SYNE1: variants seen among roughly 807,000 people sequenced by gnomAD.
The protein encoded by SYNE1 is nesprin-1.
SYNE1 carries 616 observed loss-of-function variants against 1,111.0 expected under a neutral mutation model. That is an observed-to-expected ratio of 0.55 (90% CI 0.52 to 0.59). The LOEUF is 0.59. SYNE1 is among the 20% of genes least tolerant of loss of function. The pLI, the probability that SYNE1 is intolerant of heterozygous loss-of-function variation, is 0.00. For synonymous variants in SYNE1, 3,855 were observed against 3,825.8 expected (o/e 1.01, Z -0.28); for missense variants, 10,006 against 10,417.0 (o/e 0.96, Z 1.72).
At chr6:152,337,134 C>T (rs185747921) in intron 75 of SYNE1, 117 bp from the exon 76 acceptor site, 60 of 913,600 alleles carry the variant, frequency 6.6e-5, no homozygotes, top group East Asian at 3.2e-4. Context: ...CACATACACA[C>T]GCAAACTCAC....
intron 3 of SYNE1, among the ~76,000 whole-genome samples, chr6:152,557,399 TAAA>T (rs1335871129): frequency 6.6e-6 from 1 of 151,764 alleles, no homozygotes; most frequent in East Asian, 1.9e-4. Flanking sequence ...AAAGCTTGTT[TAAA>T]AAAAATAATG....
chr6:152,591,845 TA>T (rs147449017), intron 3 of SYNE1, among the ~76,000 whole-genome samples: 5,761 of 151,882 alleles, frequency 0.038, 370 homozygotes, highest in African/African-American at 0.13. Context: ...AAAACCCCAT[TA>T]AAAAATGGGC....
intron 3 of SYNE1, among the ~76,000 whole-genome samples, chr6:152,590,811 TA>T (rs1214210198): frequency 6.6e-6 from 1 of 152,178 alleles, no homozygotes; most frequent in Non-Finnish European, 1.5e-5. Context: ...ACTAATTCAT[TA>T]AAAATATCAA....
At chr6:152,591,890 T>C (rs150071570) in intron 3 of SYNE1, among the ~76,000 whole-genome samples, 3 of 152,254 alleles carry the variant, frequency 2.0e-5, no homozygotes, top group East Asian at 1.9e-4. Flanking sequence ...CTAAAGAAGA[T>C]GCACATGTAG....
At chr6:152,354,014 C>G (rs1168157307) in intron 67 of SYNE1, among the ~76,000 whole-genome samples, 1 of 152,180 alleles carries the variant, frequency 6.6e-6, no homozygotes, top group East Asian at 1.9e-4. Flanking sequence ...GTGGCTCACG[C>G]CTGTAGTCCC....
At chr6:152,609,957 A>T (rs1226698741) in intron 3 of SYNE1, among the ~76,000 whole-genome samples, 2 of 152,240 alleles carry the variant, frequency 1.3e-5, no homozygotes, top group African/African-American at 4.8e-5. Context: ...CAGCATTAAC[A>T]AAAAGGACAT....
At chr6:152,207,058 G>A (rs962595636) in intron 125 of SYNE1, among the ~76,000 whole-genome samples, 1 of 152,204 alleles carries the variant, frequency 6.6e-6, no homozygotes, top group Admixed American at 6.5e-5. Flanking sequence ...AGATTAGGAA[G>A]CTATTGTCTA....
intron 40 of SYNE1, among the ~76,000 whole-genome samples, chr6:152,417,280 C>T (rs111511473): frequency 2.0e-5 from 3 of 152,294 alleles, no homozygotes; most frequent in African/African-American, 4.8e-5. Context: ...GGGCAGATCA[C>T]GAGGTCAGGA....
intron 10 of SYNE1, among the ~76,000 whole-genome samples, chr6:152,499,141 A>G (rs2099015002): frequency 6.6e-6 from 1 of 152,158 alleles, no homozygotes. Flanking sequence ...AAATATACAC[A>G]GCACACATGT....
intron 3 of SYNE1, among the ~76,000 whole-genome samples, chr6:152,550,005 T>C (rs1298018518): frequency 2.0e-5 from 3 of 152,188 alleles, no homozygotes; most frequent in Non-Finnish European, 4.4e-5. Flanking sequence ...TATTGACATT[T>C]AGGCAAGATG....
chr6:152,266,759 C>T (rs1233509063), intron 100 of SYNE1, among the ~76,000 whole-genome samples: 1 of 152,078 alleles, frequency 6.6e-6, no homozygotes. Flanking sequence ...AATATATCTG[C>T]TGCAATTGCA....
rs1236796696 is a variant in SYNE1 at position 152,207,963 on chromosome 6, G to A, written c.22824+9C>T. On this transcript the variant is annotated intron_variant, in intron 125 of 145. Coordinates refer to ENST00000367255, the MANE Select transcript of SYNE1 (RefSeq NM_182961.4). The stretch of plus-strand genomic sequence containing the variant: ...AAGAGGTGTGAGAACACTGTGTTTT[G>A]CATCTTACCTGCACTTCATCAAAGA... 2.5e-6 allele frequency: 4 copies of A among 1,613,850 alleles called. No homozygotes were observed. The Admixed American group carries it at 5.0e-5, about 20-fold the overall frequency.
At position 152,151,548 on chromosome 6, in the gene SYNE1, A is replaced by T; in HGVS notation, c.24450+5T>A. The T allele has an allele frequency of 6.2e-7, 1 of 1,613,868 alleles. No individual in the cohort carries two copies. Among genetic ancestry groups the T allele is most frequent in the Non-Finnish European group, 8.5e-7 (1 of 1,179,970 alleles). The stretch of plus-strand genomic sequence containing the variant: ...ACTTTGGTAACTTGAAAAATAATCT[A>T]TTACCTTGAGTTGCTTTATTTTAGC... On this transcript the variant is annotated splice_donor_5th_base_variant and intron_variant, in intron 135 of 145. Transcript: ENST00000367255.
At chr6:152,427,465 CA>C in intron 38 of SYNE1, 1 of 607,466 alleles carries the variant, frequency 1.6e-6, no homozygotes, top group South Asian at 2.2e-5. Flanking sequence ...GATTTTCTAA[CA>C]CATCATGGAA....
chr6:152,404,778 T>G (rs2097870129), intron 45 of SYNE1: 1 of 155,374 alleles, frequency 6.4e-6, no homozygotes, highest in South Asian at 2.0e-4. Context: ...AATAAAAATT[T>G]AAAGGATATT....
At chr6:152,364,368 T>C (rs2097012160) in intron 63 of SYNE1, among the ~76,000 whole-genome samples, 1 of 152,158 alleles carries the variant, frequency 6.6e-6, no homozygotes, top group Admixed American at 6.5e-5. Context: ...CTGCCATTTC[T>C]TTCCCACTCC....
At position 152,276,148 on chromosome 6, in the gene SYNE1, C is replaced by T. The variant is rs137866218; in HGVS notation, c.18573+1941G>A. ...CTCCCAGGTTCAAGCAGTTCTCATGCCTCAGCCTCCCAAGCAGCTGGGATT... is the reference window on the plus strand; with the variant it reads ...CTCCCAGGTTCAAGCAGTTCTCATGTCTCAGCCTCCCAAGCAGCTGGGATT... On this transcript the variant is annotated intron_variant, in intron 98 of 145. Coordinates refer to ENST00000367255, the MANE Select transcript of SYNE1 (RefSeq NM_182961.4). 4.5e-3 allele frequency among the ~76,000 whole-genome samples: 677 copies of T among 150,956 alleles called. 9 individuals are homozygous for T. Among genetic ancestry groups the T allele is most frequent in the African/African-American group, 0.016 (646 of 41,150 alleles).
chr6:152,165,148 T>C (rs1333044616), intron 130 of SYNE1, among the ~76,000 whole-genome samples: 1 of 150,396 alleles, frequency 6.6e-6, no homozygotes, highest in Non-Finnish European at 1.5e-5. Context: ...ACACAGTCAG[T>C]GGAGGGTGCT....
At chr6:152,553,960 C>G (rs1216889622) in intron 3 of SYNE1, among the ~76,000 whole-genome samples, 1 of 152,058 alleles carries the variant, frequency 6.6e-6, no homozygotes, top group African/African-American at 2.4e-5. Flanking sequence ...GGGGCTGGGA[C>G]TTTGCATCCA....
Sources: gnomAD v4.1 joint callset for allele counts (sites outside exome capture counted in the v4.1 genomes callset) on GRCh38, gnomAD v4.1.1 for gene constraint, MANE v1.5 for transcripts, NCBI Gene and HGNC (gene_info 2026-07-23, HGNC 2026-07-21) for gene names.